Variants in NLGN1 observed in about 807,000 individuals in gnomAD.
NLGN1 encodes the protein neuroligin 1.
NLGN1 carries 12 observed loss-of-function variants against 65.5 expected under a neutral mutation model. The ratio of observed to expected loss-of-function variants is 0.18; its 90% CI spans 0.12 to 0.30. NLGN1 has a LOEUF of 0.30. Ranked by LOEUF, NLGN1 falls within the 10% of genes least tolerant of loss-of-function variation. The pLI is 1.00. For missense variants in NLGN1, 750 were observed against 1,007.1 expected (o/e 0.74, Z 3.46); for synonymous variants, 350 against 359.5 (o/e 0.97, Z 0.30).
chr3:173,923,374 T>TGGTC (rs1211084675), intron 4 of NLGN1, among the ~76,000 whole-genome samples: 2 of 152,174 alleles, frequency 1.3e-5, no homozygotes, highest in African/African-American at 4.8e-5. Context: ...GCATCTTGAA[T>TGGTC]GGTCATACAT....
At chr3:174,201,919 T>G (rs1482720530) in intron 4 of NLGN1, among the ~76,000 whole-genome samples, 1 of 152,160 alleles carries the variant, frequency 6.6e-6, no homozygotes, top group Non-Finnish European at 1.5e-5. Flanking sequence ...TTTCCTTGTG[T>G]TCTCTTTATC....
At chr3:173,690,251 A>G (rs1231367288) in intron 3 of NLGN1, among the ~76,000 whole-genome samples, 4 of 152,180 alleles carry the variant, frequency 2.6e-5, no homozygotes, top group Admixed American at 2.6e-4. Context: ...GTCTCTACTC[A>G]AGTGAAGAGG....
chr3:173,994,902 C>T (rs894571293), intron 4 of NLGN1, among the ~76,000 whole-genome samples: 1 of 152,036 alleles, frequency 6.6e-6, no homozygotes, highest in Non-Finnish European at 1.5e-5. Flanking sequence ...AAAGAGGAAA[C>T]ATAAGGAGAA....
intron 4 of NLGN1, among the ~76,000 whole-genome samples, chr3:174,217,037 C>G (rs1436184006): frequency 1.3e-5 from 2 of 152,042 alleles, no homozygotes; most frequent in Non-Finnish European, 2.9e-5. Flanking sequence ...TATCATAGTT[C>G]TAGAAGTTAG....
chr3:174,140,512 C>A (rs1323271518), intron 4 of NLGN1, among the ~76,000 whole-genome samples: 1 of 151,940 alleles, frequency 6.6e-6, no homozygotes, highest in Admixed American at 6.6e-5. Flanking sequence ...TATTTTCATC[C>A]CCATTTTATG....
intron 3 of NLGN1, among the ~76,000 whole-genome samples, chr3:173,723,338 A>C (rs905140882): frequency 1.3e-5 from 2 of 152,222 alleles, no homozygotes; most frequent in African/African-American, 4.8e-5. Flanking sequence ...TGCCCTGAAA[A>C]TGATGGCACA....
chr3:174,063,196 G>A (rs1737781378), intron 4 of NLGN1, among the ~76,000 whole-genome samples: 2 of 152,132 alleles, frequency 1.3e-5, no homozygotes, highest in African/African-American at 4.8e-5. Flanking sequence ...ACAATGGAAT[G>A]ACATCTGAAA....
At chr3:174,287,801 A>ATGACCTCT (rs1752296856), downstream of NLGN1, among the ~76,000 whole-genome samples, 1 of 151,374 alleles carries the variant, frequency 6.6e-6, no homozygotes, top group Admixed American at 6.6e-5. Flanking sequence ...ATTACTAGTT[A>ATGACCTCT]TGACCTCTTC....
chr3:174,019,800 T>A lies in NLGN1; in HGVS notation c.646+211968T>A, dbSNP rs546040949. Among the ~76,000 whole-genome samples, 3 of 152,240 alleles carry A rather than the reference T, an allele frequency of 2.0e-5. No individual in the cohort carries two copies. In the East Asian group the frequency reaches 5.8e-4, roughly 29 times the overall value. On this transcript the variant is annotated intron_variant, in intron 4 of 6. Transcript: ENST00000457714. ...TCTCTTAGCATTTGGTTTGCATAGT[T>A]ACGCACTAGAACAAATGATTGACTG...
chr3:173,735,738 A>C (rs1773636775), intron 3 of NLGN1, among the ~76,000 whole-genome samples: 1 of 152,098 alleles, frequency 6.6e-6, no homozygotes, highest in Admixed American at 6.6e-5. Flanking sequence ...AGGGTCTTGA[A>C]ATAACATTAA....
At chr3:173,631,859 A>T (rs2149544285) in intron 3 of NLGN1, among the ~76,000 whole-genome samples, 1 of 152,232 alleles carries the variant, frequency 6.6e-6, no homozygotes, top group African/African-American at 2.4e-5. Context: ...GGTGAAAATT[A>T]TTCAATCATA....
chr3:173,993,964 A>G (rs983194690), intron 4 of NLGN1, among the ~76,000 whole-genome samples: 1 of 152,030 alleles, frequency 6.6e-6, no homozygotes, highest in Non-Finnish European at 1.5e-5. Context: ...TAGGAACCCA[A>G]TTTAAGGCAA....
intron 4 of NLGN1, among the ~76,000 whole-genome samples, chr3:174,053,752 G>C (rs1907580): frequency 0.27 from 41,072 of 151,380 alleles, 6,956 homozygotes; most frequent in African/African-American, 0.49. Context: ...TTCTTTTACT[G>C]TTCAATTCAT....
chr3:174,013,259 C>T (rs921738252), intron 4 of NLGN1, among the ~76,000 whole-genome samples: 6 of 151,952 alleles, frequency 3.9e-5, no homozygotes, highest in Admixed American at 1.3e-4. Flanking sequence ...GTCCTTATTC[C>T]GGCAGCCCTC....
chr3:174,118,931 G>A lies in NLGN1; in HGVS notation c.647-156384G>A, dbSNP rs528859723. Among the ~76,000 whole-genome samples the A allele has an allele frequency of 6.6e-5, 10 of 152,076 alleles. No individual in the cohort carries two copies. The South Asian group carries it at 1.9e-3, about 28-fold the overall frequency. Reference sequence around the variant, plus strand: ...TCTTCATGTTATATAGTAAAAGACCGTATGTAATCTCAATATTCTTCTCTA... The same window carrying A: ...TCTTCATGTTATATAGTAAAAGACCATATGTAATCTCAATATTCTTCTCTA... On this transcript the variant is annotated intron_variant, in intron 4 of 6. Transcript: ENST00000457714.
intron 4 of NLGN1, among the ~76,000 whole-genome samples, chr3:174,265,287 C>T (rs1203992295): frequency 4.3e-4 from 65 of 151,744 alleles, no homozygotes; most frequent in African/African-American, 1.4e-3. Flanking sequence ...GCCTCGCTGC[C>T]GCCTTGCAGT....
chr3:174,087,075 A>T (rs1743561691), intron 4 of NLGN1, among the ~76,000 whole-genome samples: 1 of 152,172 alleles, frequency 6.6e-6, no homozygotes, highest in Admixed American at 6.5e-5. Flanking sequence ...AACAATGAGA[A>T]CACATGGACA....
chr3:174,055,686 A>G (rs1016935269), intron 4 of NLGN1, among the ~76,000 whole-genome samples: 1 of 152,050 alleles, frequency 6.6e-6, no homozygotes, highest in African/African-American at 2.4e-5. Flanking sequence ...CCCATCTTCA[A>G]ACAGCTAGTG....
At chr3:174,148,341 A>G (rs984082747) in intron 4 of NLGN1, among the ~76,000 whole-genome samples, 3 of 152,236 alleles carry the variant, frequency 2.0e-5, no homozygotes, top group Non-Finnish European at 4.4e-5. Context: ...CATTTCCCAG[A>G]AGAAATGATA....
Sources: allele counts gnomAD v4.1 joint callset (sites outside exome capture counted in the v4.1 genomes callset), GRCh38; gene constraint gnomAD v4.1.1; transcripts MANE v1.5; gene names NCBI Gene and HGNC (gene_info 2026-07-23, HGNC 2026-07-21).